Variants in FAH observed in about 807,000 individuals in gnomAD.
The protein encoded by FAH is fumarylacetoacetase.
Under a neutral mutation model 55.8 loss-of-function variants are expected in FAH, and 47 were observed. That is an observed-to-expected ratio of 0.84 (90% CI 0.67 to 1.07). FAH has a LOEUF of 1.07. FAH is among the 50% of genes least tolerant of loss of function. The pLI is 0.00. For missense variants in FAH, 495 were observed against 545.9 expected, an observed-to-expected ratio of 0.91 and a Z score of 0.93; for synonymous variants, 199 against 207.7, an observed-to-expected ratio of 0.96 and a Z score of 0.36.
chr15:80,164,783 T>G (rs531872301), intron 5 of FAH, among the ~76,000 whole-genome samples: 1 of 152,228 alleles, frequency 6.6e-6, no homozygotes, highest in South Asian at 2.1e-4. Context: ...GGAACCAAGG[T>G]GGGTAAAAAA....
chr15:80,182,080 A>G (rs1385116919), intron 13 of FAH, among the ~76,000 whole-genome samples: 2 of 152,132 alleles, frequency 1.3e-5, no homozygotes. Flanking sequence ...AACTCTGGGG[A>G]GCGTCTGTCC....
chr15:80,155,299 C>G (rs1288219201), intron 1 of FAH, among the ~76,000 whole-genome samples: 1 of 152,180 alleles, frequency 6.6e-6, no homozygotes, highest in Admixed American at 6.5e-5. Flanking sequence ...AAGATGCTCT[C>G]TAAATCTTTG....
chr15:80,183,369 C>T (rs2041345731), intron 13 of FAH, among the ~76,000 whole-genome samples: 1 of 152,182 alleles, frequency 6.6e-6, no homozygotes, highest in Non-Finnish European at 1.5e-5. Flanking sequence ...ATGCATATTG[C>T]TAGAATTTGG....
chr15:80,158,719 G>A (rs1224640899), intron 2 of FAH, among the ~76,000 whole-genome samples: 22 of 152,126 alleles, frequency 1.4e-4, no homozygotes, highest in Admixed American at 1.3e-3. Flanking sequence ...TGTGTGCCAG[G>A]AGCTTCGCAC....
At chr15:80,161,112 T>C (rs532353826) in intron 4 of FAH, among the ~76,000 whole-genome samples, 14 of 152,204 alleles carry the variant, frequency 9.2e-5, no homozygotes, top group African/African-American at 2.9e-4. Flanking sequence ...GAGGATGGGG[T>C]TGGGGACAGG....
Position 80,184,298 on chromosome 15 carries a change from C to A in FAH, c.1181-1832C>A, listed in dbSNP as rs149002954. Among the ~76,000 whole-genome samples the A allele has an allele frequency of 3.2e-4, 48 of 152,118 alleles. No individual in the cohort carries two copies. In the East Asian group the frequency reaches 8.7e-3, roughly 28 times the overall value. ...AAACAATATCTGAGCAAAAGTCTTT[C>A]GTTTCTTGCCCTGCGTCTCTCAGTG... On this transcript the variant is annotated intron_variant, in intron 13 of 13. Coordinates refer to ENST00000561421, the MANE Select transcript of FAH (RefSeq NM_000137.4).
intron 9 of FAH, 182 bp downstream of exon 9, chr15:80,173,326 C>A: frequency 1.3e-6 from 1 of 762,640 alleles, no homozygotes; most frequent in Non-Finnish European, 2.2e-6. Context: ...GCCAGGGCAT[C>A]ATTCTCCCTT....
At chr15:80,170,019 C>A (rs1338651170) in intron 7 of FAH, among the ~76,000 whole-genome samples, 4 of 152,214 alleles carry the variant, frequency 2.6e-5, no homozygotes, top group Non-Finnish European at 5.9e-5. Flanking sequence ...GTCCCACCAC[C>A]TGAGGATCCC....
chr15:80,173,589 G>A (rs2041259182), intron 9 of FAH: 1 of 340,528 alleles, frequency 2.9e-6, no homozygotes, highest in Admixed American at 4.0e-5. Context: ...GCACCGCTTG[G>A]TCTACCACTG....
chr15:80,162,160 C>T (rs923874529), intron 4 of FAH, 86 bp from the exon 5 acceptor site: 3 of 988,866 alleles, frequency 3.0e-6, no homozygotes, highest in Admixed American at 1.7e-5. Flanking sequence ...ATTGTGTGCA[C>T]ACTCGTGGCT....
intron 4 of FAH, among the ~76,000 whole-genome samples, chr15:80,161,106 A>T (rs2142093113): frequency 6.6e-6 from 1 of 152,156 alleles, no homozygotes; most frequent in East Asian, 1.9e-4. Flanking sequence ...TGACTGGAGG[A>T]TGGGGTTGGG....
At chr15:80,165,266 C>T (rs898730951) in intron 5 of FAH, among the ~76,000 whole-genome samples, 14 of 151,994 alleles carry the variant, frequency 9.2e-5, no homozygotes, top group African/African-American at 3.1e-4. Flanking sequence ...TGGTGGCTCA[C>T]GCCTGTAATC....
intron 7 of FAH, among the ~76,000 whole-genome samples, chr15:80,171,771 A>T (rs1478233217): frequency 3.3e-5 from 5 of 152,174 alleles, no homozygotes; most frequent in Non-Finnish European, 5.9e-5. Flanking sequence ...CTGGTTTTTC[A>T]TGACATGAAT....
chr15:80,174,348 C>A (rs772473746), intron 9 of FAH, among the ~76,000 whole-genome samples: 14 of 152,224 alleles, frequency 9.2e-5, no homozygotes, highest in Non-Finnish European at 1.6e-4. Flanking sequence ...TATTCCCCCT[C>A]TGAACTATTA....
chr15:80,172,883 C>T (rs2041252486), intron 8 of FAH, 131 bp from the exon 9 acceptor site: 1 of 1,252,146 alleles, frequency 8.0e-7, no homozygotes, highest in Admixed American at 1.7e-5. Flanking sequence ...CCTGGGGCAG[C>T]CTGACTGGGG....
rs368042270 is a variant in FAH at position 80,172,257 on chromosome 15, T to A, written c.706+9T>A. On this transcript the variant is annotated intron_variant, in intron 8 of 13. Transcript: ENST00000561421. ...TATGAACGACTGGAGTGGTAATTACTGGAGCTCTGCTCCTGTAGAGATGAC... is the reference window on the plus strand; with the variant it reads ...TATGAACGACTGGAGTGGTAATTACAGGAGCTCTGCTCCTGTAGAGATGAC... 6 of 1,566,358 alleles carry A rather than the reference T, an allele frequency of 3.8e-6. No individual in the cohort carries two copies. Among genetic ancestry groups the A allele is most frequent in the Middle Eastern group, 1.7e-4 (1 of 5,980 alleles).
intron 9 of FAH, 53 bp from the exon 10 acceptor site, chr15:80,174,963 G>A: frequency 3.2e-6 from 5 of 1,545,766 alleles, no homozygotes; most frequent in Non-Finnish European, 4.5e-6. Context: ...GGCCCAGCCG[G>A]GTGAGCTCAG....
chr15:80,178,473 C>A (rs756431119), intron 11 of FAH, among the ~76,000 whole-genome samples: 7 of 152,016 alleles, frequency 4.6e-5, no homozygotes, highest in Non-Finnish European at 1.0e-4. Flanking sequence ...TAGCTGGCAT[C>A]TTTGTTTTAG....
intron 4 of FAH, among the ~76,000 whole-genome samples, chr15:80,161,954 G>T (rs2041153337): frequency 6.6e-6 from 1 of 152,210 alleles, no homozygotes; most frequent in Non-Finnish European, 1.5e-5. Context: ...GGGAAAAGTG[G>T]GGAGCCTGAG....
Sources: allele counts gnomAD v4.1 joint callset (sites outside exome capture counted in the v4.1 genomes callset), GRCh38; gene constraint gnomAD v4.1.1; transcripts MANE v1.5; gene names NCBI Gene and HGNC (gene_info 2026-07-23, HGNC 2026-07-21).